ARSG: variants seen among roughly 807,000 people sequenced by gnomAD.
ARSG encodes ASG.
Under a neutral mutation model 50.5 loss-of-function variants are expected in ARSG, and 37 were observed. That is an observed-to-expected ratio of 0.73 (90% CI 0.56 to 0.96). The LOEUF (loss-of-function observed/expected upper bound fraction) is 0.96. ARSG is among the 50% of genes least tolerant of loss of function. The pLI is 0.00. For missense variants in ARSG, 629 were observed against 675.3 expected (o/e 0.93, Z 0.76); for synonymous variants, 225 against 254.6 (o/e 0.88, Z 1.11).
intron 2 of ARSG, among the ~76,000 whole-genome samples, chr17:68,336,249 G>T (rs113839997): frequency 0.19 from 28,950 of 148,624 alleles, 3,500 homozygotes; most frequent in Non-Finnish European, 0.25. Flanking sequence ...TCACTCTGTC[G>T]CCCAGGCTGC....
intron 9 of ARSG, among the ~76,000 whole-genome samples, chr17:68,393,616 CA>C (rs1307016333): frequency 7.2e-5 from 11 of 152,154 alleles, no homozygotes; most frequent in Non-Finnish European, 1.6e-4. Flanking sequence ...CCTGTAATCT[CA>C]GCACTTTGGG....
intron 2 of ARSG, among the ~76,000 whole-genome samples, 158 bp from the exon 3 acceptor site, chr17:68,343,446 C>T (rs982221422): frequency 2.6e-5 from 4 of 152,218 alleles, no homozygotes; most frequent in South Asian, 2.1e-4. Flanking sequence ...GGTGAGCCAC[C>T]GCGCCTGGCC....
intron 2 of ARSG, among the ~76,000 whole-genome samples, chr17:68,323,404 C>G (rs973957178): frequency 2.0e-5 from 3 of 151,998 alleles, no homozygotes; most frequent in African/African-American, 4.8e-5. Context: ...AAAGAACCCT[C>G]TTATTAATTA....
chr17:68,426,251 G>GT, downstream of ARSG: 1 of 825,454 alleles, frequency 1.2e-6, no homozygotes, highest in Admixed American at 2.3e-5. Context: ...GTGGGGAGCG[G>GT]GGGCTCAAAT....
intron 1 of ARSG, chr17:68,272,617 T>C: frequency 6.2e-7 from 1 of 1,611,676 alleles, no homozygotes; most frequent in Non-Finnish European, 8.5e-7. Flanking sequence ...CATTCATACT[T>C]AGGCTGTTGT....
chr17:68,407,051 G>A (rs950403736), intron 11 of ARSG, among the ~76,000 whole-genome samples: 12 of 152,136 alleles, frequency 7.9e-5, no homozygotes, highest in African/African-American at 2.7e-4. Flanking sequence ...TTTGTATAAG[G>A]TGAGAGATGA....
intron 3 of ARSG, among the ~76,000 whole-genome samples, chr17:68,345,269 C>G (rs138438032): frequency 6.6e-6 from 1 of 152,130 alleles, no homozygotes; most frequent in Non-Finnish European, 1.5e-5. Flanking sequence ...CCCAGGAGAT[C>G]GAGACCAGCC....
In ARSG at chr17:68,376,276, C is replaced by CGTTTTTT. The variant is rs149045241; in HGVS notation, c.982+5752_982+5753insGTTTTTT. Reference sequence around the variant, plus strand: ...CAGGAGTGTGCCACTGCGCCCCCTGCATTTTTTTTTTTTTTTCTGAGATAG... The same window carrying CGTTTTTT: ...CAGGAGTGTGCCACTGCGCCCCCTGCGTTTTTTATTTTTTTTTTTTTTTCTGAGATAG... On this transcript the variant is annotated intron_variant, in intron 8 of 11. Coordinates refer to ENST00000621439, the MANE Select transcript of ARSG (RefSeq NM_001267727.2). Among the ~76,000 whole-genome samples, 117 of 131,956 alleles carry CGTTTTTT rather than the reference C, an allele frequency of 8.9e-4. 21 individuals carry two copies. Among genetic ancestry groups the CGTTTTTT allele is most frequent in the Admixed American group, 1.3e-3 (17 of 12,730 alleles). The allele number at this position is 131,956 out of a possible 152,430, so 86.6% of individuals were successfully genotyped here. A position where few individuals can be genotyped will look rare whatever the true frequency, so the allele number is the denominator to read the frequency against.
At chr17:68,417,227 ATCCCCC>A (rs2147515087) in intron 11 of ARSG, among the ~76,000 whole-genome samples, 1 of 152,296 alleles carries the variant, frequency 6.6e-6, no homozygotes, top group African/African-American at 2.4e-5. Flanking sequence ...AGAGCTGGGT[ATCCCCC>A]TACCCTTAGG....
chr17:68,428,987 G>T, the ARSG span: 2 of 1,420,598 alleles, frequency 1.4e-6, no homozygotes, highest in Non-Finnish European at 2.0e-6. Context: ...ATGGGCGATG[G>T]ATTCGCTTCC....
In ARSG at chr17:68,347,164, A is replaced by G. The variant is rs770709028; in HGVS notation, c.446A>G (p.Asn149Ser). The G allele has an allele frequency of 6.2e-7, 1 of 1,613,848 alleles. No homozygotes were observed. The change falls in exon 4 of 12, where the codon AAC becomes AGC. Residue 149 changes from asparagine (N) to serine (S), a missense_variant. By Grantham distance (46) the Asn-to-Ser change is conservative. Transcript: ENST00000621439. The part of the protein sequence containing the change: ...HLGHHGSYHP[N>S]FRGFDYYFGI... ...GGACACCACGGCTCTTATCACCCCA[A>G]CTTCCGTGGTAAGAATTCTTTTGGG... is the stretch of plus-strand genomic sequence containing the variant.
intron 9 of ARSG, among the ~76,000 whole-genome samples, chr17:68,391,928 G>A (rs964609287): frequency 5.3e-5 from 8 of 152,186 alleles, no homozygotes; most frequent in Non-Finnish European, 8.8e-5. Flanking sequence ...ATTCTGCCTG[G>A]GGTTGTAGGT....
At chr17:68,420,871 G>A (rs1448898872), downstream of ARSG, 2 of 185,138 alleles carry the variant, frequency 1.1e-5, no homozygotes, top group African/African-American at 4.8e-5. Context: ...CTGGTTCCCA[G>A]TTTCTCTGGT....
the ARSG span, among the ~76,000 whole-genome samples, chr17:68,451,334 T>C: frequency 6.6e-6 from 1 of 152,266 alleles, no homozygotes; most frequent in Non-Finnish European, 1.5e-5. Flanking sequence ...CTCGGGAGGC[T>C]GAGGCATGAG....
chr17:68,355,734 G>A (rs534082810), intron 5 of ARSG, among the ~76,000 whole-genome samples: 11 of 151,150 alleles, frequency 7.3e-5, no homozygotes, highest in South Asian at 2.1e-4. Context: ...GAGCCACGGC[G>A]TCTGGCCATG....
chr17:68,437,005 A>AAAAAAATATATAT, the ARSG span, among the ~76,000 whole-genome samples: 1 of 107,192 alleles, frequency 9.3e-6, no homozygotes, highest in African/African-American at 3.6e-5. Context: ...AAAAAAAAAA[A>AAAAAAATATATAT]ATATATATAT....
At position 68,323,339 on chromosome 17, in the gene ARSG, T is replaced by C. The variant is rs550922287; in HGVS notation, c.218+15628T>C. Among the ~76,000 whole-genome samples, 16 of 152,218 alleles carry C rather than the reference T, an allele frequency of 1.1e-4. No homozygotes were observed. The South Asian group carries it at 3.1e-3, about 30-fold the overall frequency. On this transcript the variant is annotated intron_variant, in intron 2 of 11. Coordinates refer to ENST00000621439, the MANE Select transcript of ARSG (RefSeq NM_001267727.2). ...AGTCAATGAAAACTAGGAAAAGGAC[T>C]CAAATTAACTTGACTTTACCCCAAA...
chr17:68,339,107 G>T (rs2078154568), intron 2 of ARSG, among the ~76,000 whole-genome samples: 1 of 151,792 alleles, frequency 6.6e-6, no homozygotes, highest in Non-Finnish European at 1.5e-5. Flanking sequence ...TTTAAATGAA[G>T]TGATATATAC....
At chr17:68,329,759 A>G (rs939921732) in intron 2 of ARSG, among the ~76,000 whole-genome samples, 6 of 152,162 alleles carry the variant, frequency 3.9e-5, no homozygotes, top group African/African-American at 1.2e-4. Flanking sequence ...TTGGAAGAAG[A>G]ATTGTCTTGG....
Sources: allele counts gnomAD v4.1 joint callset (sites outside exome capture counted in the v4.1 genomes callset), GRCh38; gene constraint gnomAD v4.1.1; transcripts MANE v1.5; gene names NCBI Gene and HGNC (gene_info 2026-07-23, HGNC 2026-07-21).